The following SMURF1 variants were observed in gnomAD, a reference collection of about 807,000 sequenced individuals.
SMURF1 encodes the protein E3 ubiquitin-protein ligase SMURF1.
In SMURF1, 44 loss-of-function variants were observed where a neutral mutation model predicts 98.0. That is an observed-to-expected ratio of 0.45 (90% confidence interval 0.35 to 0.58). The LOEUF (loss-of-function observed/expected upper bound fraction) is 0.58, where lower values mean the gene tolerates loss of function less well. Among genes scored for constraint, SMURF1 ranks in the 20% least tolerant of loss-of-function variants. The probability of loss-of-function intolerance (pLI) is 0.00; values close to 1 mark genes in which losing one functional copy is unlikely to be tolerated. For missense variants in SMURF1, 687 were observed against 938.4 expected, an observed-to-expected ratio of 0.73 and a Z score of 3.50; for synonymous variants, 396 against 374.9, an observed-to-expected ratio of 1.06 and a Z score of -0.65.
chr7:99,123,820 A>G (rs1337689253), intron 1 of SMURF1, among the ~76,000 whole-genome samples: 1 of 152,230 alleles, frequency 6.6e-6, no homozygotes, highest in African/African-American at 2.4e-5. Context: ...CAAAGTAAGA[A>G]GCCAAATATC....
rs540740775 is a variant in SMURF1 at position 99,135,723 on chromosome 7, A to G, written c.55+8003T>C. On this transcript the variant is annotated intron_variant, in intron 1 of 17. Transcript: ENST00000361368. Reference sequence around the variant, plus strand: ...AATGATTTTACACACCGGACTTTACATAAATGTGTGAAAACACCCATAAGA... The same window carrying G: ...AATGATTTTACACACCGGACTTTACGTAAATGTGTGAAAACACCCATAAGA... 1.2e-4 allele frequency among the ~76,000 whole-genome samples: 18 copies of G among 152,376 alleles called. No individual in the cohort carries two copies. The South Asian group carries it at 3.1e-3, about 26-fold the overall frequency.
At chr7:99,051,489 A>T in intron 7 of SMURF1, 48 bp from the exon 8 acceptor site, 2 of 1,486,524 alleles carry the variant, frequency 1.3e-6, no homozygotes, top group African/African-American at 2.8e-5. Context: ...AATTCCAGGG[A>T]GAGTTTGTAA....
chr7:99,065,483 T>C (rs1374306214), intron 1 of SMURF1, among the ~76,000 whole-genome samples: 2 of 152,208 alleles, frequency 1.3e-5, no homozygotes, highest in Non-Finnish European at 2.9e-5. Context: ...ATCCTTCCTT[T>C]TGTTGCATTT....
intron 1 of SMURF1, among the ~76,000 whole-genome samples, chr7:99,118,819 A>G (rs1797521562): frequency 6.6e-6 from 1 of 151,984 alleles, no homozygotes; most frequent in African/African-American, 2.4e-5. Context: ...AGACAGCTCT[A>G]TATTATACTG....
chr7:99,098,875 A>T (rs1563027741), intron 1 of SMURF1, among the ~76,000 whole-genome samples: 1 of 152,182 alleles, frequency 6.6e-6, no homozygotes, highest in African/African-American at 2.4e-5. Flanking sequence ...AACATTTAAT[A>T]AGCGCTTTGT....
In SMURF1 at chr7:99,063,632, T is replaced by C. The variant is rs900535580; in HGVS notation, c.56-1795A>G. Among the ~76,000 whole-genome samples the C allele has an allele frequency of 2.6e-5, 4 of 151,962 alleles. No homozygotes were observed. In the East Asian group the frequency reaches 7.7e-4, roughly 29 times the overall value. On this transcript the variant is annotated intron_variant, in intron 1 of 17. Coordinates refer to ENST00000361368, the MANE Select transcript of SMURF1 (RefSeq NM_181349.3). ...CCACACAATTCATCCATTTAAAGTG[T>C]GCAATACAGTGGTTTTTAGTATACT...
chr7:99,061,053 A>G (rs745906902), intron 2 of SMURF1, among the ~76,000 whole-genome samples: 9 of 152,352 alleles, frequency 5.9e-5, no homozygotes, highest in South Asian at 4.1e-4. Flanking sequence ...TATGGAAGCA[A>G]GTATTCACCA....
In SMURF1 at chr7:99,054,806, G is replaced by A. The variant is rs186906916; in HGVS notation, c.463C>T (p.Leu155=). 4.4e-5 allele frequency: 71 copies of A among 1,613,926 alleles called. No individual in the cohort carries two copies. The highest frequency in any genetic ancestry group is 5.8e-5 in the Non-Finnish European group (69 of 1,179,978). The stretch of plus-strand genomic sequence containing the variant: ...TATACGTACCCTTCATTTTCTAACA[G>A]TCCTCTGCAGTCCACCACCGAGCCG... ...TGGSVVDCRG[L]LENEGTVYED... The change falls in exon 6 of 18, where the codon CTG becomes TTG. Residue 155 remains leucine (L), a synonymous_variant. Coordinates refer to ENST00000361368, the MANE Select transcript of SMURF1 (RefSeq NM_181349.3).
chr7:99,143,729 T>C lies in SMURF1; in HGVS notation c.52A>G (p.Thr18Ala). The C allele has an allele frequency of 6.4e-7, 1 of 1,559,774 alleles. No individual in the cohort carries two copies. The highest frequency in any genetic ancestry group is 1.2e-5 in the South Asian group (1 of 86,002). Residue 18 changes from threonine to alanine, a missense_variant, in exon 1 of 18, where the codon ACA becomes GCA. Physicochemically the swap from Thr to Ala is moderately conservative, Grantham distance 58 (BLOSUM62 0). Around this residue, in one of 2 missense-constraint regions of SMURF1, gnomAD observed 415 missense variants for 508.4 expected, o/e 0.82. Transcript: ENST00000361368. Reference protein sequence around the residue: ...RNGSSIKIRLTVLCAKNLAKK... With the variant: ...RNGSSIKIRLAVLCAKNLAKK... ...GTGGGCCTCCCGCCGGCCGTACCTG[T>C]CAGACGGATCTTGATGCTGGAGCCG...
Position 99,039,834 on chromosome 7 carries a change from G to A in SMURF1, c.1550+544C>T, listed in dbSNP as rs987024479. Reference sequence around the variant, plus strand: ...ATCTGCAAGGACCCGTGATAGTCACGGTTCATCTTGTCACTGCCTGCTGCT... The same window carrying A: ...ATCTGCAAGGACCCGTGATAGTCACAGTTCATCTTGTCACTGCCTGCTGCT... On this transcript the variant is annotated intron_variant, in intron 13 of 17. Transcript: ENST00000361368. 2.6e-5 allele frequency among the ~76,000 whole-genome samples: 4 copies of A among 152,194 alleles called. No individual in the cohort carries two copies. In the South Asian group the frequency reaches 6.2e-4, roughly 24 times the overall value.
At chr7:99,103,797 T>G (rs1797139313) in intron 1 of SMURF1, among the ~76,000 whole-genome samples, 1 of 152,156 alleles carries the variant, frequency 6.6e-6, no homozygotes. Context: ...GACACAAAAC[T>G]TCAAAGAGAA....
At chr7:99,086,360 G>T (rs1323457314) in intron 1 of SMURF1, among the ~76,000 whole-genome samples, 1 of 143,244 alleles carries the variant, frequency 7.0e-6, no homozygotes, top group Non-Finnish European at 1.5e-5. Flanking sequence ...GAAAAAAAAA[G>T]AAAGAAAGAA....
At chr7:99,139,438 A>C (rs1798063908) in intron 1 of SMURF1, among the ~76,000 whole-genome samples, 1 of 152,236 alleles carries the variant, frequency 6.6e-6, no homozygotes, top group East Asian at 1.9e-4. Context: ...AAAGCACAAA[A>C]AAGTTTAGGC....
intron 1 of SMURF1, among the ~76,000 whole-genome samples, chr7:99,070,478 G>T (rs757328364): frequency 3.3e-5 from 5 of 152,142 alleles, no homozygotes; most frequent in East Asian, 1.9e-4. Context: ...ATAGCTCTTT[G>T]CAGAGCCTGA....
intron 1 of SMURF1, among the ~76,000 whole-genome samples, chr7:99,063,117 T>C (rs1045944012): frequency 6.8e-6 from 1 of 146,268 alleles, no homozygotes; most frequent in Admixed American, 6.8e-5. Context: ...TAATAGATAT[T>C]GTTCTGCCAA....
At chr7:99,063,552 A>C (rs1796118278) in intron 1 of SMURF1, among the ~76,000 whole-genome samples, 1 of 150,970 alleles carries the variant, frequency 6.6e-6, no homozygotes, top group African/African-American at 2.4e-5. Context: ...CGCCCCACAA[A>C]GTGCTGGGAT....
intron 1 of SMURF1, among the ~76,000 whole-genome samples, chr7:99,096,543 GAGAA>G (rs1563026819): frequency 1.3e-5 from 2 of 152,140 alleles, no homozygotes; most frequent in African/African-American, 4.8e-5. Context: ...TTCAACTTCA[GAGAA>G]AGAAAAGTGT....
intron 16 of SMURF1, among the ~76,000 whole-genome samples, chr7:99,034,890 A>G (rs1206616119): frequency 6.6e-6 from 1 of 152,214 alleles, no homozygotes. Context: ...TGTGTCTATC[A>G]GCATTTACAG....
At chr7:99,071,570 C>T (rs1016251191) in intron 1 of SMURF1, among the ~76,000 whole-genome samples, 10 of 152,098 alleles carry the variant, frequency 6.6e-5, no homozygotes, top group African/African-American at 2.4e-4. Flanking sequence ...GGAGCTCTTC[C>T]TGGATGGAGA....
Sources: gnomAD v4.1 joint callset for allele counts (sites outside exome capture counted in the v4.1 genomes callset) on GRCh38, gnomAD v4.1.1 for gene constraint, gnomAD v4.1.1 regional missense constraint, MANE v1.5 for transcripts, NCBI Gene and HGNC (gene_info 2026-07-23, HGNC 2026-07-21) for gene names.